The following FRMD4A variants were observed in gnomAD, a reference collection of about 807,000 sequenced individuals.
The protein encoded by FRMD4A is FERM domain containing 4A.
Under a neutral mutation model 129.1 loss-of-function variants are expected in FRMD4A, and 29 were observed. The observed-to-expected ratio is 0.22, with a 90% CI of 0.17 to 0.31. FRMD4A has a LOEUF of 0.31. Among genes scored for constraint, FRMD4A ranks in the 10% least tolerant of loss-of-function variants. The pLI is 1.00. For missense variants in FRMD4A, 1,272 were observed against 1,375.8 expected, an observed-to-expected ratio of 0.92 and a Z score of 1.19; for synonymous variants, 634 against 571.6, an observed-to-expected ratio of 1.11 and a Z score of -1.56.
chr10:14,079,295 C>T (rs1272936671), intron 2 of FRMD4A, among the ~76,000 whole-genome samples: 1 of 152,126 alleles, frequency 6.6e-6, no homozygotes, highest in African/African-American at 2.4e-5. Context: ...GTTAAGGAGC[C>T]TGGGCTCCAG....
intron 2 of FRMD4A, among the ~76,000 whole-genome samples, chr10:13,986,345 T>A (rs1004116829): frequency 1.3e-5 from 2 of 151,254 alleles, no homozygotes; most frequent in Non-Finnish European, 2.9e-5. Flanking sequence ...ATGTCCTTTG[T>A]AGGGACATGG....
intron 3 of FRMD4A, among the ~76,000 whole-genome samples, chr10:13,825,888 T>C (rs11258651): frequency 0.64 from 97,302 of 152,188 alleles, 31,222 homozygotes; most frequent in Middle Eastern, 0.79. Flanking sequence ...ATGATTTTGG[T>C]ATCTTAGCAG....
At chr10:14,266,579 A>G (rs1295083120) in intron 2 of FRMD4A, among the ~76,000 whole-genome samples, 1 of 152,102 alleles carries the variant, frequency 6.6e-6, no homozygotes, top group African/African-American at 2.4e-5. Context: ...AACATAAAGC[A>G]GAAAAATCTG....
intron 2 of FRMD4A, among the ~76,000 whole-genome samples, chr10:13,963,843 GAC>G (rs1306086723): frequency 2.6e-5 from 4 of 152,190 alleles, no homozygotes. Context: ...GTGGTCTCCA[GAC>G]AGCCAGTGTT....
chr10:13,671,378 C>A (rs1423087077), intron 16 of FRMD4A, among the ~76,000 whole-genome samples: 1 of 152,058 alleles, frequency 6.6e-6, no homozygotes, highest in Non-Finnish European at 1.5e-5. Flanking sequence ...CGCTTGAACC[C>A]GGGAGGCGGA....
At chr10:13,719,522 C>T (rs1246336369) in intron 12 of FRMD4A, among the ~76,000 whole-genome samples, 1 of 152,126 alleles carries the variant, frequency 6.6e-6, no homozygotes, top group African/African-American at 2.4e-5. Flanking sequence ...ATTCACAGCC[C>T]AAGGCGGGCA....
At chr10:13,803,943 C>T (rs1271392131) in intron 4 of FRMD4A, among the ~76,000 whole-genome samples, 1 of 152,188 alleles carries the variant, frequency 6.6e-6, no homozygotes. Context: ...CGGTCATTTG[C>T]ATTGGGAAGG....
chr10:13,846,942 G>A (rs2094056720), intron 3 of FRMD4A, among the ~76,000 whole-genome samples: 1 of 152,238 alleles, frequency 6.6e-6, no homozygotes, highest in South Asian at 2.1e-4. Context: ...GGCACACAGA[G>A]GATGCTGAGT....
intron 2 of FRMD4A, among the ~76,000 whole-genome samples, chr10:14,024,186 T>A (rs543829172): frequency 1.4e-4 from 21 of 152,234 alleles, no homozygotes; most frequent in Non-Finnish European, 2.2e-4. Context: ...TGAGGAACTT[T>A]ACGGTTTTCT....
chr10:13,913,071 T>TA (rs2094960656), intron 2 of FRMD4A, among the ~76,000 whole-genome samples: 2 of 141,940 alleles, frequency 1.4e-5, no homozygotes, highest in African/African-American at 2.6e-5. Context: ...AAAACTCCAT[T>TA]TAAAAAAAAA....
chr10:14,130,987 G>A lies in FRMD4A; in HGVS notation c.45+199071C>T, dbSNP rs11258881. 8.7e-3 allele frequency among the ~76,000 whole-genome samples: 1,322 copies of A among 152,248 alleles called. 15 individuals carry two copies. The highest frequency in any genetic ancestry group is 0.03 in the African/African-American group (1,250 of 41,526). ...ACCATGGTGGAAACTTAGTATCCTTGGTTTGCATGCCTGACACCAGGAGGA... is the reference window on the plus strand; with the variant it reads ...ACCATGGTGGAAACTTAGTATCCTTAGTTTGCATGCCTGACACCAGGAGGA... On this transcript the variant is annotated intron_variant, in intron 2 of 24. Transcript: ENST00000357447.
chr10:14,169,548 G>C (rs2131883071), intron 2 of FRMD4A, among the ~76,000 whole-genome samples: 1 of 152,184 alleles, frequency 6.6e-6, no homozygotes, highest in Middle Eastern at 3.4e-3. Flanking sequence ...AAGTTCCCCA[G>C]ATAAATCACC....
intron 2 of FRMD4A, chr10:14,326,921 C>G (rs1211628285): frequency 5.0e-6 from 2 of 398,736 alleles, no homozygotes; most frequent in Non-Finnish European, 8.8e-6. Context: ...AAGGCCATCT[C>G]CACCACCAGA....
chr10:14,094,298 AT>A (rs1363784438), intron 2 of FRMD4A, among the ~76,000 whole-genome samples: 1 of 152,218 alleles, frequency 6.6e-6, no homozygotes, highest in African/African-American at 2.4e-5. Flanking sequence ...GCGTGGAATG[AT>A]GAGGCCTGTG....
chr10:14,304,042 G>C (rs1218473), intron 2 of FRMD4A, among the ~76,000 whole-genome samples: 25,319 of 152,058 alleles, frequency 0.17, 2,799 homozygotes, highest in African/African-American at 0.31. Flanking sequence ...TCCGCTGATA[G>C]ACACTTGAGT....
At chr10:14,328,765 A>T (rs894407472) in intron 2 of FRMD4A, among the ~76,000 whole-genome samples, 1 of 152,042 alleles carries the variant, frequency 6.6e-6, no homozygotes, top group Non-Finnish European at 1.5e-5. Flanking sequence ...ATCATCACGA[A>T]TACTCAGTGA....
intron 2 of FRMD4A, among the ~76,000 whole-genome samples, chr10:14,312,404 A>G (rs1026637267): frequency 2.0e-5 from 3 of 152,332 alleles, no homozygotes; most frequent in South Asian, 2.1e-4. Flanking sequence ...ATTAAAAACT[A>G]ATTCGCATGA....
rs868221142 is a variant in FRMD4A, at chr10:14,053,751, G to C, written c.46-194839C>G. 4.9e-4 allele frequency among the ~76,000 whole-genome samples: 74 copies of C among 152,250 alleles called. 1 individual carries two copies. The highest frequency in any genetic ancestry group is 1.6e-3 in the African/African-American group (65 of 41,544). On this transcript the variant is annotated intron_variant, in intron 2 of 24. Transcript: ENST00000357447. ...AAGACCCTTGTGGCTGGGCATGGTG[G>C]CTCATGCCTATAATGAAAGTGTTTT...
chr10:14,316,341 C>T (rs1056766904), intron 2 of FRMD4A, among the ~76,000 whole-genome samples: 5 of 152,066 alleles, frequency 3.3e-5, no homozygotes, highest in African/African-American at 1.2e-4. Context: ...GTTCAGCCCC[C>T]TCTTGCTCTT....
Sources: gnomAD v4.1 joint callset for allele counts (sites outside exome capture counted in the v4.1 genomes callset) on GRCh38, gnomAD v4.1.1 for gene constraint, MANE v1.5 for transcripts, NCBI Gene and HGNC (gene_info 2026-07-23, HGNC 2026-07-21) for gene names.